The following EFCAB11 variants were observed in gnomAD, a reference collection of about 807,000 sequenced individuals.
EFCAB11 encodes the protein EF-hand calcium binding domain 11, also known as EF-hand calcium-binding domain-containing protein 11.
In EFCAB11, 14 loss-of-function variants were observed where a neutral mutation model predicts 23.0. That is an observed-to-expected ratio of 0.61 (90% confidence interval 0.40 to 0.95). The LOEUF is 0.95. EFCAB11 is among the 40% of genes least tolerant of loss of function. The probability of loss-of-function intolerance (pLI) is 0.00; values close to 1 mark genes in which losing one functional copy is unlikely to be tolerated. For missense variants in EFCAB11, 198 were observed against 195.8 expected, an observed-to-expected ratio of 1.01 and a Z score of -0.07; for synonymous variants, 65 against 66.6, an observed-to-expected ratio of 0.98 and a Z score of 0.11.
chr14:89,828,096 C>T (rs896269592), intron 5 of EFCAB11, among the ~76,000 whole-genome samples: 1 of 152,044 alleles, frequency 6.6e-6, no homozygotes, highest in Non-Finnish European at 1.5e-5. Flanking sequence ...TGCCTAAAGC[C>T]ATTTAGTAGC....
At chr14:89,855,638 C>T (rs988693419) in intron 5 of EFCAB11, among the ~76,000 whole-genome samples, 6 of 152,090 alleles carry the variant, frequency 3.9e-5, no homozygotes, top group Non-Finnish European at 8.8e-5. Context: ...GCAAAAATAG[C>T]TAAAATCTAC....
At chr14:89,946,733 CTTT>C (rs536677296) in intron 3 of EFCAB11, among the ~76,000 whole-genome samples, 2 of 131,366 alleles carry the variant, frequency 1.5e-5, no homozygotes, top group Non-Finnish European at 3.3e-5. Flanking sequence ...TCATGCCTGG[CTTT>C]TTTTTTTTTT....
At chr14:89,944,346 T>A (rs538892255) in intron 3 of EFCAB11, among the ~76,000 whole-genome samples, 1 of 152,308 alleles carries the variant, frequency 6.6e-6, no homozygotes, top group East Asian at 1.9e-4. Flanking sequence ...CCTGCCCCCA[T>A]TATTCAATTA....
chr14:89,869,858 G>C (rs562931735), intron 5 of EFCAB11, among the ~76,000 whole-genome samples: 1 of 152,156 alleles, frequency 6.6e-6, no homozygotes, highest in African/African-American at 2.4e-5. Context: ...AGCTCTCTTC[G>C]CAAGTGTGAT....
At chr14:89,811,604 G>A (rs1334963242) in intron 5 of EFCAB11, among the ~76,000 whole-genome samples, 1 of 152,158 alleles carries the variant, frequency 6.6e-6, no homozygotes, top group Non-Finnish European at 1.5e-5. Flanking sequence ...AGAGGAGCCA[G>A]AGAGATGTGA....
intron 5 of EFCAB11, among the ~76,000 whole-genome samples, chr14:89,834,403 A>AC (rs1555371579): frequency 0.15 from 15,354 of 100,688 alleles, 3,364 homozygotes; most frequent in East Asian, 0.43. Context: ...AAAAAAAAAA[A>AC]CCTTTTTGTT....
rs562811655 is a variant in EFCAB11, at chr14:89,878,350, G to A, written c.410+53191C>T. ...AATTTACTTGTTTATTTTTAAATGCGTCTACTGGCCTTTAGAAGCTATTAT... is the reference window on the plus strand; with the variant it reads ...AATTTACTTGTTTATTTTTAAATGCATCTACTGGCCTTTAGAAGCTATTAT... On this transcript the variant is annotated intron_variant, in intron 5 of 5. Coordinates refer to ENST00000316738, the MANE Select transcript of EFCAB11 (RefSeq NM_145231.4). Among the ~76,000 whole-genome samples, 315 of 152,180 alleles carry A rather than the reference G, an allele frequency of 2.1e-3. 1 individual carries two copies. The highest frequency in any genetic ancestry group is 7.0e-3 in the African/African-American group (291 of 41,516).
chr14:89,839,897 A>G (rs1887203102), intron 5 of EFCAB11, among the ~76,000 whole-genome samples: 1 of 152,148 alleles, frequency 6.6e-6, no homozygotes, highest in African/African-American at 2.4e-5. Flanking sequence ...AAACCATTAG[A>G]AACCGCCCCC....
intron 5 of EFCAB11, among the ~76,000 whole-genome samples, chr14:89,840,078 T>C (rs1410587819): frequency 2.6e-5 from 4 of 152,190 alleles, no homozygotes; most frequent in African/African-American, 9.7e-5. Flanking sequence ...GCATTCCCCA[T>C]AGATTTGCCA....
chr14:89,929,653 G>C (rs1169266157), intron 5 of EFCAB11, among the ~76,000 whole-genome samples: 1 of 152,100 alleles, frequency 6.6e-6, no homozygotes, highest in Non-Finnish European at 1.5e-5. Context: ...CCCAAAGTGT[G>C]GGGATTACAG....
chr14:89,937,618 T>C (rs1439051552), intron 3 of EFCAB11, among the ~76,000 whole-genome samples: 1 of 152,092 alleles, frequency 6.6e-6, no homozygotes, highest in African/African-American at 2.4e-5. Context: ...CTCCACCTCC[T>C]GGGTTCAAGC....
chr14:89,886,299 C>T (rs1416413435), intron 5 of EFCAB11, among the ~76,000 whole-genome samples: 1 of 151,940 alleles, frequency 6.6e-6, no homozygotes, highest in African/African-American at 2.4e-5. Flanking sequence ...TGGTGGATCA[C>T]GAGGTCAGGA....
chr14:89,858,121 C>T (rs1436922318), intron 5 of EFCAB11, among the ~76,000 whole-genome samples: 6 of 152,284 alleles, frequency 3.9e-5, no homozygotes, highest in African/African-American at 1.4e-4. Flanking sequence ...TTCCCCTAAA[C>T]GTGGGCAATG....
Position 89,812,176 on chromosome 14 carries a change from A to G in EFCAB11, c.411-14852T>C, listed in dbSNP as rs1596377341. Reference sequence around the variant, plus strand: ...AAGTGATATTAAAAATAGTGATCTAAACTAAAGGGGGAAAAGATTCCATTT... The same window carrying G: ...AAGTGATATTAAAAATAGTGATCTAGACTAAAGGGGGAAAAGATTCCATTT... On this transcript the variant is annotated intron_variant, in intron 5 of 5. Coordinates refer to ENST00000316738, the MANE Select transcript of EFCAB11 (RefSeq NM_145231.4). 3.3e-5 allele frequency among the ~76,000 whole-genome samples: 5 copies of G among 152,344 alleles called. No homozygotes were observed. In the South Asian group the frequency reaches 1.0e-3, roughly 32 times the overall value.
At chr14:89,800,861 G>A (rs1252532408) in intron 5 of EFCAB11, among the ~76,000 whole-genome samples, 2 of 151,862 alleles carry the variant, frequency 1.3e-5, no homozygotes, top group Non-Finnish European at 2.9e-5. Flanking sequence ...TGGCCAACAT[G>A]GTGAAACCCC....
At chr14:89,881,017 C>T (rs1366204816) in intron 5 of EFCAB11, among the ~76,000 whole-genome samples, 1 of 152,112 alleles carries the variant, frequency 6.6e-6, no homozygotes, top group Non-Finnish European at 1.5e-5. Flanking sequence ...CCACAGAAAT[C>T]ACAAACACAC....
chr14:89,821,312 C>T (rs1275041391), intron 5 of EFCAB11, among the ~76,000 whole-genome samples: 2 of 152,240 alleles, frequency 1.3e-5, no homozygotes, highest in East Asian at 1.9e-4. Flanking sequence ...GGTAACAACT[C>T]TTACTTGAGT....
In EFCAB11 at chr14:89,901,143, T is replaced by C. The variant is rs968343380; in HGVS notation, c.410+30398A>G. ...ATTAAACTGCTAATTTTTTTAAAACTTCTTACCCCTACTCTTCCCAGAAGA... is the reference window on the plus strand; with the variant it reads ...ATTAAACTGCTAATTTTTTTAAAACCTCTTACCCCTACTCTTCCCAGAAGA... On this transcript the variant is annotated intron_variant, in intron 5 of 5. Transcript: ENST00000316738. Among the ~76,000 whole-genome samples, 26 of 152,232 alleles carry C rather than the reference T, an allele frequency of 1.7e-4. 2 individuals carry two copies. The highest frequency in any genetic ancestry group is 1.5e-5 in the Non-Finnish European group (1 of 68,040).
chr14:89,822,398 T>A (rs1482882504), intron 5 of EFCAB11, among the ~76,000 whole-genome samples: 1 of 152,190 alleles, frequency 6.6e-6, no homozygotes, highest in Non-Finnish European at 1.5e-5. Flanking sequence ...AGAAACATGG[T>A]GATAAAAGAA....
Sources: gnomAD v4.1 joint callset for allele counts (sites outside exome capture counted in the v4.1 genomes callset) on GRCh38, gnomAD v4.1.1 for gene constraint, MANE v1.5 for transcripts, NCBI Gene and HGNC (gene_info 2026-07-23, HGNC 2026-07-21) for gene names.